Variants in LEF1 observed in about 807,000 individuals in gnomAD.
LEF1 encodes the protein lymphoid enhancer-binding factor 1.
In LEF1, 14 loss-of-function variants were observed where a neutral mutation model predicts 51.2. The observed-to-expected ratio is 0.27, with a 90% CI of 0.18 to 0.43. LEF1 has a LOEUF of 0.43. Ranked by LOEUF, LEF1 falls within the 20% of genes least tolerant of loss-of-function variation. LEF1 has a pLI of 1.00. For synonymous variants in LEF1, 185 were observed against 183.2 expected, an observed-to-expected ratio of 1.01 and a Z score of -0.08; for missense variants, 386 against 512.0, an observed-to-expected ratio of 0.75 and a Z score of 2.37.
intron 8 of LEF1, 54 bp from the exon 9 acceptor site, chr4:108,070,824 A>G: frequency 9.2e-7 from 1 of 1,089,390 alleles, no homozygotes; most frequent in Non-Finnish European, 1.4e-6. Context: ...TAGCAATAGC[A>G]TATTTTATGT....
chr4:108,048,227 TA>T lies in LEF1; in HGVS notation c.*530del, dbSNP rs1276606594. ...AAAACGATCCTTTTGCACTGTTAAA[TA>T]AAAGCTTTAGGAGAAAAGAAAAGAA... On this transcript the variant is annotated 3_prime_UTR_variant, in exon 12 of 12. Transcript: ENST00000265165. 1.3e-5 allele frequency: 2 copies of T among 152,574 alleles called. No individual in the cohort carries two copies. The highest frequency in any genetic ancestry group is 4.8e-5 in the African/African-American group (2 of 41,264). 9.5% of individuals were successfully genotyped at this position (152,574 alleles called of 1,614,324 possible). A position where few individuals can be genotyped will look rare whatever the true frequency, so the allele number is the denominator to read the frequency against.
chr4:108,079,431 AAC>A, intron 7 of LEF1, 59 bp downstream of exon 7: 1 of 1,583,472 alleles, frequency 6.3e-7, no homozygotes. Context: ...GCAAAGGAGC[AAC>A]AGTGTAGAAA....
intron 3 of LEF1, among the ~76,000 whole-genome samples, chr4:108,109,255 C>T (rs1302458598): frequency 6.6e-6 from 1 of 152,186 alleles, no homozygotes; most frequent in Non-Finnish European, 1.5e-5. Flanking sequence ...AGCACTTCCT[C>T]GGCGCTCAAT....
chr4:108,151,102 C>T (rs1560825827), intron 3 of LEF1, among the ~76,000 whole-genome samples: 1 of 152,142 alleles, frequency 6.6e-6, no homozygotes, highest in Non-Finnish European at 1.5e-5. Context: ...ACAATGATTC[C>T]TAAGCTAAAC....
intron 3 of LEF1, among the ~76,000 whole-genome samples, chr4:108,100,761 T>A (rs1740766776): frequency 6.6e-6 from 1 of 152,174 alleles, no homozygotes. Context: ...AATTGGCACA[T>A]GTGAAAAGTC....
chr4:108,141,800 T>C (rs1743677155), intron 3 of LEF1, among the ~76,000 whole-genome samples: 2 of 152,182 alleles, frequency 1.3e-5, no homozygotes, highest in Non-Finnish European at 2.9e-5. Context: ...ACATCACCGA[T>C]AGCTGTTTTA....
chr4:108,086,446 A>G lies in LEF1; in HGVS notation c.547+2679T>C, dbSNP rs562575463. On this transcript the variant is annotated intron_variant, in intron 4 of 11. Transcript: ENST00000265165. ...TTGAACACTTACTATGTGCTGGAGG[A>G]TATACTGAGCGTAGCCTTTAAGATT... Among the ~76,000 whole-genome samples the G allele has an allele frequency of 5.9e-5, 9 of 152,264 alleles. No homozygotes were observed. The South Asian group carries it at 1.9e-3, about 32-fold the overall frequency.
intron 3 of LEF1, among the ~76,000 whole-genome samples, chr4:108,136,230 T>C (rs867623286): frequency 2.4e-4 from 37 of 152,328 alleles, no homozygotes; most frequent in African/African-American, 8.2e-4. Flanking sequence ...ATAAAGAACC[T>C]GCACCTATAA....
At chr4:108,154,980 G>A (rs559542344) in intron 3 of LEF1, among the ~76,000 whole-genome samples, 2 of 152,232 alleles carry the variant, frequency 1.3e-5, no homozygotes, top group Admixed American at 6.5e-5. Flanking sequence ...CCCTTTGGAC[G>A]TGATCCTTTT....
At chr4:108,149,325 G>A (rs1381051424) in intron 3 of LEF1, among the ~76,000 whole-genome samples, 9 of 150,360 alleles carry the variant, frequency 6.0e-5, no homozygotes, top group African/African-American at 2.0e-4. Context: ...CGGGCGTGGT[G>A]GCGGGCGCCT....
intron 3 of LEF1, among the ~76,000 whole-genome samples, chr4:108,097,397 C>T (rs1230329580): frequency 6.6e-6 from 1 of 152,172 alleles, no homozygotes; most frequent in Non-Finnish European, 1.5e-5. Context: ...AACAGTTGAA[C>T]TCACGGAGAT....
At chr4:108,144,582 G>C (rs1035768269) in intron 3 of LEF1, among the ~76,000 whole-genome samples, 5 of 152,118 alleles carry the variant, frequency 3.3e-5, no homozygotes, top group Admixed American at 2.0e-4. Flanking sequence ...TGCACACACA[G>C]TACATCTTTG....
intron 3 of LEF1, among the ~76,000 whole-genome samples, chr4:108,100,915 A>G (rs894609007): frequency 2.0e-5 from 3 of 152,192 alleles, no homozygotes; most frequent in Non-Finnish European, 2.9e-5. Context: ...GTCTGAAACT[A>G]TTTCAGATGA....
intron 1 of LEF1, chr4:108,166,213 A>T (rs938425831): frequency 6.6e-7 from 1 of 1,513,776 alleles, no homozygotes; most frequent in African/African-American, 1.4e-5. Flanking sequence ...TTCAACGGGT[A>T]AAGAACACCA....
intron 3 of LEF1, among the ~76,000 whole-genome samples, chr4:108,118,732 G>C (rs753020060): frequency 2.0e-5 from 3 of 152,154 alleles, no homozygotes; most frequent in Non-Finnish European, 4.4e-5. Context: ...GCAGGAGATG[G>C]CCACTGCAGC....
At chr4:108,125,145 C>G (rs1742443338) in intron 3 of LEF1, among the ~76,000 whole-genome samples, 1 of 151,932 alleles carries the variant, frequency 6.6e-6, no homozygotes, top group Admixed American at 6.6e-5. Flanking sequence ...CATCTGTGTA[C>G]CTTTATTTAT....
In LEF1 at chr4:108,061,230, G is replaced by A. The variant is rs563278381; in HGVS notation, c.*6+2393C>T. Among the ~76,000 whole-genome samples the A allele has an allele frequency of 2.0e-5, 3 of 152,262 alleles. No homozygotes were observed. In the East Asian group the frequency reaches 5.8e-4, roughly 29 times the overall value. ...GAGAATGTTTTAGGGGGGTAGGGTG[G>A]AGAGAGAGGGTTATTTTTGTTTTTC... On this transcript the variant is annotated intron_variant, in intron 11 of 11. Transcript: ENST00000265165.
intron 3 of LEF1, among the ~76,000 whole-genome samples, chr4:108,098,701 G>T (rs1740550538): frequency 6.6e-6 from 1 of 152,054 alleles, no homozygotes; most frequent in South Asian, 2.1e-4. Flanking sequence ...TTAAAATTGG[G>T]TGTTTTAGTA....
intron 11 of LEF1, among the ~76,000 whole-genome samples, chr4:108,050,055 C>G (rs1736879140): frequency 6.6e-6 from 1 of 152,182 alleles, no homozygotes; most frequent in African/African-American, 2.4e-5. Flanking sequence ...TAAAGATGAT[C>G]AGAACTGCAA....
Sources: gnomAD v4.1 joint callset for allele counts (sites outside exome capture counted in the v4.1 genomes callset) on GRCh38, gnomAD v4.1.1 for gene constraint, MANE v1.5 for transcripts, NCBI Gene and HGNC (gene_info 2026-07-23, HGNC 2026-07-21) for gene names.